SAMD9L: variants seen among roughly 807,000 people sequenced by gnomAD.
SAMD9L encodes the protein sterile alpha motif domain containing 9 like.
A neutral mutation model predicts 90.7 loss-of-function variants in SAMD9L; 68 were observed. The observed-to-expected ratio is 0.75, with a 90% CI of 0.62 to 0.92. The LOEUF is 0.92. SAMD9L is among the 40% of genes least tolerant of loss of function. SAMD9L has a pLI of 0.00. For missense variants in SAMD9L, 1,604 were observed against 1,824.3 expected (o/e 0.88, Z 2.20); for synonymous variants, 640 against 630.1 (o/e 1.02, Z -0.23).
rs147406199 is a variant in SAMD9L, at chr7:93,131,387, C to A, written c.4585G>T (p.Ala1529Ser). 3 of 1,613,534 alleles carry A rather than the reference C, an allele frequency of 1.9e-6. No individual in the cohort carries two copies. Among genetic ancestry groups the A allele is most frequent in the African/African-American group, 1.3e-5 (1 of 74,878 alleles). The change falls in exon 5 of 5, where the codon GCT (alanine) becomes TCT (serine). Residue 1529 changes from alanine to serine, a missense_variant. Physicochemically the swap from Ala to Ser is moderately conservative, Grantham distance 99 (BLOSUM62 1). Transcript: ENST00000318238. Reference protein sequence around the residue: ...KDLLRRLTGQAEGKLISVEYG... With the variant: ...KDLLRRLTGQSEGKLISVEYG... ...TCTACAGAGATTAGCTTGCCTTCAG[C>A]CTGACCAGTTAGACGACGCAGGAGG...
rs763231544 is a variant in SAMD9L at position 93,132,026 on chromosome 7, G to T, written c.3946C>A (p.Gln1316Lys). The change falls in exon 5 of 5, where the codon CAA becomes AAA. Residue 1316 changes from glutamine (Q) to lysine (K), a missense_variant. By Grantham distance (53) the Gln-to-Lys change is moderately conservative. Around this residue, in one of 7 missense-constraint regions of SAMD9L, gnomAD observed 282 missense variants for 329.6 expected, o/e 0.86. Coordinates refer to ENST00000318238, the MANE Select transcript of SAMD9L (RefSeq NM_152703.5). ...LFCHLDPCLL[Q>K]SKESQLLQEE... ...TGGAGTAATTGACTCTCTTTACTTT[G>T]TAATAGACATGGATCCAAATGACAG... is the stretch of plus-strand genomic sequence containing the variant. 1.2e-6 allele frequency: 2 copies of T among 1,613,270 alleles called. No homozygotes were observed. The highest frequency in any genetic ancestry group is 1.7e-6 in the Non-Finnish European group (2 of 1,179,686).
chr7:93,139,149 G>T (rs1792579437), intron 4 of SAMD9L, among the ~76,000 whole-genome samples: 2 of 152,150 alleles, frequency 1.3e-5, no homozygotes. Context: ...TGTGTCCTCA[G>T]ATACCATTTC....
rs376577185 is a variant in SAMD9L at position 93,134,112 on chromosome 7, A to G, written c.1860T>C (p.Thr620=). 52 of 1,613,832 alleles carry G rather than the reference A, an allele frequency of 3.2e-5. No individual in the cohort carries two copies. Among genetic ancestry groups the G allele is most frequent in the African/African-American group, 2.4e-4 (18 of 74,910 alleles). The change falls in exon 5 of 5, where the codon ACT becomes ACC. Residue 620 remains threonine, a synonymous_variant. Transcript: ENST00000318238. ...GAGTCACCGATTTTAGTTTAAGGAT[A>G]GTGCTGTTTACCAGTTCTATATTTA... ...STLNIELVNS[T]ILKLKSVTRS... is the part of the protein sequence containing the mutation.
At position 93,144,847 on chromosome 7, in the gene SAMD9L, G is replaced by A. The variant is rs1250360844; in HGVS notation, c.-122-14C>T. On this transcript the variant is annotated splice_polypyrimidine_tract_variant and intron_variant, in intron 3 of 4. Transcript: ENST00000318238. ...TCCTCTGTGTAGCTGAAATCGCAAA[G>A]CAAAAGTTAGTTTTATTTTCTTGAA... 3.3e-5 allele frequency: 5 copies of A among 152,218 alleles called. No homozygotes were observed. In the East Asian group the frequency reaches 9.6e-4, roughly 29 times the overall value. The allele number at this position is 152,218 out of a possible 1,614,324, so 9.4% of individuals were successfully genotyped here. A position where few individuals can be genotyped will look rare whatever the true frequency, so the allele number is the denominator to read the frequency against.
chr7:93,145,242 T>TA (rs1380519822), intron 3 of SAMD9L, 143 bp downstream of exon 3: 4 of 152,236 alleles, frequency 2.6e-5, no homozygotes, highest in African/African-American at 9.6e-5. Context: ...TCATTCCTTT[T>TA]AAAATGGTTT....
intron 1 of SAMD9L, among the ~76,000 whole-genome samples, 151 bp from the exon 2 acceptor site, chr7:93,147,297 C>G (rs1026932166): frequency 1.3e-5 from 2 of 152,200 alleles, no homozygotes; most frequent in Non-Finnish European, 2.9e-5. Flanking sequence ...TGACTTAAGT[C>G]TTGGCTTTCT....
chr7:93,138,499 CAAG>C (rs1006909941), intron 4 of SAMD9L, among the ~76,000 whole-genome samples: 35 of 152,112 alleles, frequency 2.3e-4, no homozygotes, highest in African/African-American at 7.2e-4. Context: ...TTGTCAGACA[CAAG>C]AAGGAGTCTA....
chr7:93,143,041 C>T (rs999190432), intron 4 of SAMD9L, among the ~76,000 whole-genome samples: 9 of 152,144 alleles, frequency 5.9e-5, no homozygotes, highest in Non-Finnish European at 8.8e-5. Context: ...CGGGTGGTTG[C>T]GTGGGGGATA....
chr7:93,132,294 T>C lies in SAMD9L; in HGVS notation c.3678A>G (p.Lys1226=). Residue 1226 remains lysine, a synonymous_variant, in exon 5 of 5, where the codon AAA becomes AAG. Transcript: ENST00000318238. Reference sequence around the variant, plus strand: ...TTCCTGATAAAAATTGCACCATATGTTTTTTGGATAATTCATTTTCTTTGT... The same window carrying C: ...TTCCTGATAAAAATTGCACCATATGCTTTTTGGATAATTCATTTTCTTTGT... ...FFHKENELSK[K]HMVQFLSGKW... 6.2e-7 allele frequency: 1 copy of C among 1,613,674 alleles called. No individual in the cohort carries two copies. Among genetic ancestry groups the C allele is most frequent in the African/African-American group, 1.3e-5 (1 of 75,008 alleles).
In SAMD9L at chr7:93,132,218, T is replaced by C. The variant is rs1313007794; in HGVS notation, c.3754A>G (p.Lys1252Glu). Residue 1252 changes from lysine to glutamate, a missense_variant, in exon 5 of 5, where the codon AAG becomes GAG. Coordinates refer to ENST00000318238, the MANE Select transcript of SAMD9L (RefSeq NM_152703.5). Reference protein sequence around the residue: ...PRNECYLALSKFTSHLKNLQS... With the variant: ...PRNECYLALSEFTSHLKNLQS... Reference sequence around the variant, plus strand: ...AAATTTTTTAGGTGGGATGTGAACTTGCTAAGAGCCAAATAACATTCATTT... The same window carrying C: ...AAATTTTTTAGGTGGGATGTGAACTCGCTAAGAGCCAAATAACATTCATTT... The C allele has an allele frequency of 1.4e-5, 23 of 1,613,722 alleles. No homozygotes were observed. Among genetic ancestry groups the C allele is most frequent in the Non-Finnish European group, 1.7e-5 (20 of 1,179,888 alleles).
intron 4 of SAMD9L, among the ~76,000 whole-genome samples, chr7:93,143,742 A>G (rs1365285728): frequency 1.3e-5 from 2 of 152,224 alleles, no homozygotes; most frequent in Non-Finnish European, 2.9e-5. Flanking sequence ...TATGTATTCA[A>G]TATTACTTTC....
At position 93,145,899 on chromosome 7, in the gene SAMD9L, A is replaced by C. The variant is rs1394543282; in HGVS notation, c.-637T>G. ...GGTGTATCTTCAAAATATACCCAGC[A>C]TTTGACTACCTGACACCACTACCAC... On this transcript the variant is annotated 5_prime_UTR_variant, in exon 3 of 5. It removes an upstream start codon present in the reference 5' UTR. Coordinates refer to ENST00000318238, the MANE Select transcript of SAMD9L (RefSeq NM_152703.5). The C allele has an allele frequency of 6.6e-6, 1 of 152,070 alleles. No homozygotes were observed. Among genetic ancestry groups the C allele is most frequent in the Non-Finnish European group, 1.5e-5 (1 of 68,036 alleles). 9.4% of individuals were successfully genotyped at this position (152,070 alleles called of 1,614,324 possible). A position where few individuals can be genotyped will look rare whatever the true frequency, so the allele number is the denominator to read the frequency against.
Position 93,131,327 on chromosome 7 carries a change from T to A in SAMD9L, c.4645A>T (p.Ile1549Leu), listed in dbSNP as rs1460726683. The A allele has an allele frequency of 6.2e-7, 1 of 1,613,414 alleles. No homozygotes were observed. Among genetic ancestry groups the A allele is most frequent in the Non-Finnish European group, 8.5e-7 (1 of 1,179,616 alleles). Residue 1549 changes from isoleucine (I) to leucine (L), a missense_variant, in exon 5 of 5, where the codon ATA becomes TTA. By Grantham distance (5) the Ile-to-Leu change is conservative. Coordinates refer to ENST00000318238, the MANE Select transcript of SAMD9L (RefSeq NM_152703.5). ...GTEEKIKIPV[I>L]SVYSGPLRSG... ...CTGAGTGGACCTGAATAAACAGATA[T>A]TACTGGTATTTTTATTTTTTCCTCT...
In SAMD9L at chr7:93,135,133, G is replaced by T; in HGVS notation, c.839C>A (p.Ala280Asp). 1.2e-6 allele frequency: 2 copies of T among 1,612,542 alleles called. No individual in the cohort carries two copies. The highest frequency in any genetic ancestry group is 4.5e-5 in the East Asian group (2 of 44,884). Residue 280 changes from alanine to aspartate, a missense_variant, in exon 5 of 5, where the codon GCC becomes GAC. By Grantham distance (126) the Ala-to-Asp change is moderately radical. Coordinates refer to ENST00000318238, the MANE Select transcript of SAMD9L (RefSeq NM_152703.5). ...CCTTGGCTCCCGAATACACTTCTTGGCTTCATTGATCTCACTTTCTTCAAA... is the reference window on the plus strand; with the variant it reads ...CCTTGGCTCCCGAATACACTTCTTGTCTTCATTGATCTCACTTTCTTCAAA... Reference protein sequence around the residue: ...KYFEESEINEAKKCIREPRFV... With the variant: ...KYFEESEINEDKKCIREPRFV...
chr7:93,142,227 C>T lies in SAMD9L; in HGVS notation c.-21+2505G>A, dbSNP rs116748519. Among the ~76,000 whole-genome samples, 415 of 152,330 alleles carry T rather than the reference C, an allele frequency of 2.7e-3. 1 individual carries two copies. The highest frequency in any genetic ancestry group is 9.3e-3 in the African/African-American group (388 of 41,572). On this transcript the variant is annotated intron_variant, in intron 4 of 4. Coordinates refer to ENST00000318238, the MANE Select transcript of SAMD9L (RefSeq NM_152703.5). ...TTTCACTTTAGATTTATGTACTATA[C>T]ATTTCACTTAATTATATTTCTCATT... is the stretch of plus-strand genomic sequence containing the variant.
rs1024934179 is a variant in SAMD9L, at chr7:93,134,335, A to G, written c.1637T>C (p.Val546Ala). Residue 546 changes from valine to alanine, a missense_variant, in exon 5 of 5, where the codon GTG (valine) becomes GCG (alanine). By Grantham distance (64) the Val-to-Ala change is moderately conservative. Coordinates refer to ENST00000318238, the MANE Select transcript of SAMD9L (RefSeq NM_152703.5). ...TTCCACTGAAGAGAGTAATAGAAAC[A>G]CTACCAAAAATTTTCCTCTTGTCAT... ...NIMTRGKFLV[V>A]FLLLSSVESP... The G allele has an allele frequency of 1.2e-6, 2 of 1,611,032 alleles. No homozygotes were observed. The highest frequency in any genetic ancestry group is 1.7e-6 in the Non-Finnish European group (2 of 1,179,122).
rs139124790 is a variant in SAMD9L, at chr7:93,132,405, A to G, written c.3567T>C (p.Tyr1189=). The change falls in exon 5 of 5, where the codon TAT becomes TAC. Residue 1189 remains tyrosine, a synonymous_variant. Transcript: ENST00000318238. ...NWSPQKSQRR[Y]DMYNTACFLG... is the part of the protein sequence containing the mutation. ...AGAAACAAGCTGTGTTATACATGTC[A>G]TATCGTCTCTGGGACTTCTGTGGTG... 1.5e-4 allele frequency: 237 copies of G among 1,613,874 alleles called. No individual in the cohort carries two copies. The African/African-American group carries it at 2.8e-3, about 19-fold the overall frequency.
chr7:93,141,832 T>C (rs965980348), intron 4 of SAMD9L, among the ~76,000 whole-genome samples: 1 of 152,240 alleles, frequency 6.6e-6, no homozygotes, highest in Admixed American at 6.5e-5. Flanking sequence ...CACTGACTCT[T>C]AGTCAGTGTC....
Position 93,134,897 on chromosome 7 carries a change from G to A in SAMD9L, c.1075C>T (p.Arg359Trp), listed in dbSNP as rs569239575. 37 of 1,613,826 alleles carry A rather than the reference G, an allele frequency of 2.3e-5. No individual in the cohort carries two copies. Among genetic ancestry groups the A allele is most frequent in the South Asian group, 1.3e-4 (12 of 91,056 alleles). Residue 359 changes from arginine (R) to tryptophan (W), a missense_variant, in exon 5 of 5, where the codon CGG becomes TGG. This residue lies in a region of SAMD9L where 606 missense variants were observed against 717.6 expected (regional missense o/e 0.84). Coordinates refer to ENST00000318238, the MANE Select transcript of SAMD9L (RefSeq NM_152703.5). The part of the protein sequence containing the change: ...SRDILANSKQ[R>W]DVDFKAFLQN... ...AAAAATGCCTTGAAATCTACATCCC[G>A]TTGCTTGGAATTGGCCAGGATATCC...
Sources: allele counts gnomAD v4.1 joint callset (sites outside exome capture counted in the v4.1 genomes callset), GRCh38; gene constraint gnomAD v4.1.1; regional missense constraint gnomAD v4.1.1; transcripts MANE v1.5; gene names NCBI Gene and HGNC (gene_info 2026-07-23, HGNC 2026-07-21).